FGF1: variants seen among roughly 807,000 people sequenced by gnomAD.
FGF1 encodes fibroblast growth factor 1.
Under a neutral mutation model 13.4 loss-of-function variants are expected in FGF1, and 9 were observed. The ratio of observed to expected loss-of-function variants is 0.67; its 90% CI spans 0.40 to 1.17. The LOEUF is 1.17. Ranked by LOEUF, FGF1 falls within the 50% of genes most tolerant of loss-of-function variation. The pLI is 0.01. For synonymous variants in FGF1, 93 were observed against 79.0 expected, an observed-to-expected ratio of 1.18 and a Z score of -0.94; for missense variants, 156 against 192.7, an observed-to-expected ratio of 0.81 and a Z score of 1.13.
intron 1 of FGF1, among the ~76,000 whole-genome samples, chr5:142,647,453 G>A (rs1022866686): frequency 2.0e-5 from 3 of 152,136 alleles, no homozygotes; most frequent in Admixed American, 6.5e-5. Flanking sequence ...TCAGTACTGC[G>A]TGCTCCCATG....
intron 3 of FGF1, among the ~76,000 whole-genome samples, 161 bp from the exon 4 acceptor site, chr5:142,595,645 G>A (rs1254143189): frequency 6.6e-6 from 1 of 152,114 alleles, no homozygotes; most frequent in Admixed American, 6.6e-5. Context: ...TATTTCACAG[G>A]GTAGTCATAA....
intron 1 of FGF1, among the ~76,000 whole-genome samples, chr5:142,659,272 A>G (rs1168741019): frequency 1.4e-5 from 2 of 143,438 alleles, no homozygotes; most frequent in Non-Finnish European, 3.0e-5. Context: ...CTCTGTCGCC[A>G]GGCTGGAGTG....
intron 2 of FGF1, among the ~76,000 whole-genome samples, chr5:142,610,950 A>C (rs1002872160): frequency 6.6e-6 from 1 of 152,206 alleles, no homozygotes; most frequent in Non-Finnish European, 1.5e-5. Flanking sequence ...AAGCCGTGAA[A>C]GGAGTTATTT....
intron 1 of FGF1, among the ~76,000 whole-genome samples, chr5:142,646,477 C>G (rs769301174): frequency 7.9e-5 from 12 of 151,932 alleles, no homozygotes; most frequent in Admixed American, 1.3e-4. Flanking sequence ...CTCAGCCTCC[C>G]GAGTAGCTGG....
At chr5:142,668,273 A>G (rs564419741) in intron 1 of FGF1, among the ~76,000 whole-genome samples, 103 of 152,336 alleles carry the variant, frequency 6.8e-4, no homozygotes, top group African/African-American at 2.5e-3. Context: ...TGCATTCAAC[A>G]TACTGTCATC....
At chr5:142,606,601 G>A (rs957825204) in intron 2 of FGF1, among the ~76,000 whole-genome samples, 8 of 152,088 alleles carry the variant, frequency 5.3e-5, no homozygotes, top group African/African-American at 1.4e-4. Flanking sequence ...CCAGCCTGGC[G>A]GCAGAGCGAG....
intron 1 of FGF1, among the ~76,000 whole-genome samples, chr5:142,676,128 G>T (rs1474105244): frequency 6.6e-6 from 1 of 152,002 alleles, no homozygotes; most frequent in African/African-American, 2.4e-5. Flanking sequence ...ATCTTCCCCT[G>T]GAAGAAAAAA....
intron 1 of FGF1, among the ~76,000 whole-genome samples, chr5:142,622,628 A>G (rs1186622452): frequency 1.3e-5 from 2 of 152,224 alleles, no homozygotes; most frequent in Non-Finnish European, 2.9e-5. Flanking sequence ...CTAACCAAGA[A>G]AAATATTTGT....
intron 1 of FGF1, among the ~76,000 whole-genome samples, chr5:142,682,148 C>T (rs1376235830): frequency 1.3e-5 from 2 of 151,450 alleles, no homozygotes; most frequent in South Asian, 2.1e-4. Flanking sequence ...CGCAATGGCG[C>T]GATCTCGGCT....
At chr5:142,648,137 C>T (rs1404185185) in intron 1 of FGF1, among the ~76,000 whole-genome samples, 4 of 152,064 alleles carry the variant, frequency 2.6e-5, no homozygotes, top group African/African-American at 4.8e-5. Flanking sequence ...TTGGACTTAA[C>T]GATTTTTTGG....
At chr5:142,629,456 G>A (rs963063293) in intron 1 of FGF1, among the ~76,000 whole-genome samples, 9 of 152,226 alleles carry the variant, frequency 5.9e-5, no homozygotes, top group East Asian at 1.9e-4. Flanking sequence ...GAGCCACTGC[G>A]CTGGGCTGCA....
At chr5:142,616,393 C>A (rs1760247015) in intron 1 of FGF1, among the ~76,000 whole-genome samples, 1 of 152,214 alleles carries the variant, frequency 6.6e-6, no homozygotes, top group East Asian at 1.9e-4. Context: ...AAAGTCAGAT[C>A]ATCCCAAATG....
intron 1 of FGF1, among the ~76,000 whole-genome samples, chr5:142,618,929 G>GTTTTT (rs869093279): frequency 9.6e-3 from 584 of 61,150 alleles, no homozygotes; most frequent in East Asian, 0.014. Flanking sequence ...TAGTTGTTTT[G>GTTTTT]TTTTTTTTTT....
At chr5:142,688,563 T>G (rs745396113), upstream of FGF1, among the ~76,000 whole-genome samples, 3 of 152,208 alleles carry the variant, frequency 2.0e-5, no homozygotes, top group Non-Finnish European at 4.4e-5. Context: ...ATGCAGAACA[T>G]GTAACAGAAA....
At chr5:142,656,667 T>C (rs1369989513) in intron 1 of FGF1, among the ~76,000 whole-genome samples, 6 of 152,198 alleles carry the variant, frequency 3.9e-5, no homozygotes, top group Non-Finnish European at 5.9e-5. Flanking sequence ...AAATAAGTTA[T>C]GGGTCTAAGC....
At chr5:142,619,135 C>T (rs548506030) in intron 1 of FGF1, among the ~76,000 whole-genome samples, 9 of 151,920 alleles carry the variant, frequency 5.9e-5, no homozygotes, top group South Asian at 4.2e-4. Context: ...GGGGTTTCAC[C>T]GTGTTAGCCA....
At chr5:142,664,146 G>T (rs963757457) in intron 1 of FGF1, among the ~76,000 whole-genome samples, 1 of 152,172 alleles carries the variant, frequency 6.6e-6, no homozygotes, top group Non-Finnish European at 1.5e-5. Flanking sequence ...TGAGCCCCAG[G>T]GGGAGGAAGG....
At chr5:142,608,749 G>T (rs1015691400) in intron 2 of FGF1, among the ~76,000 whole-genome samples, 12 of 144,260 alleles carry the variant, frequency 8.3e-5, no homozygotes, top group African/African-American at 2.3e-4. Flanking sequence ...TATATATATA[G>T]TATATATACA....
chr5:142,668,311 A>G (rs749237660), intron 1 of FGF1, among the ~76,000 whole-genome samples: 13 of 152,258 alleles, frequency 8.5e-5, no homozygotes, highest in Non-Finnish European at 1.3e-4. Context: ...AAAAACGTTT[A>G]GTTTCCCTTT....
Sources: gnomAD v4.1 joint callset for allele counts (sites outside exome capture counted in the v4.1 genomes callset) on GRCh38, gnomAD v4.1.1 for gene constraint, MANE v1.5 for transcripts, NCBI Gene and HGNC (gene_info 2026-07-23, HGNC 2026-07-21) for gene names.